The following RASGRF2 variants were observed in gnomAD, a reference collection of about 807,000 sequenced individuals.
The protein encoded by RASGRF2 is Ras protein specific guanine nucleotide releasing factor 2, also known as ras-specific guanine nucleotide-releasing factor 2.
A neutral mutation model predicts 151.0 loss-of-function variants in RASGRF2; 76 were observed. That is an observed-to-expected ratio of 0.50 (90% CI 0.42 to 0.61). The LOEUF (loss-of-function observed/expected upper bound fraction) is 0.61. RASGRF2 is among the 20% of genes least tolerant of loss of function. RASGRF2 has a pLI of 0.00. For missense variants in RASGRF2, 1,148 were observed against 1,564.6 expected (o/e 0.73, Z 4.49); for synonymous variants, 504 against 566.5 (o/e 0.89, Z 1.57).
At chr5:81,015,657 C>T (rs139650041) in intron 1 of RASGRF2, among the ~76,000 whole-genome samples, 4,245 of 148,282 alleles carry the variant, frequency 0.029, 84 homozygotes, top group Middle Eastern at 0.1. Flanking sequence ...ATATTAAATA[C>T]ATTAATTAGT....
At chr5:81,170,631 C>T (rs1754638558) in intron 17 of RASGRF2, among the ~76,000 whole-genome samples, 1 of 152,176 alleles carries the variant, frequency 6.6e-6, no homozygotes, top group Non-Finnish European at 1.5e-5. Flanking sequence ...ATTCATGTCC[C>T]AACTCCTGTG....
At chr5:81,106,660 A>T (rs1291647803) in intron 12 of RASGRF2, among the ~76,000 whole-genome samples, 1 of 152,070 alleles carries the variant, frequency 6.6e-6, no homozygotes, top group Admixed American at 6.5e-5. Flanking sequence ...GTGTATTTTC[A>T]TCAGGTCCTG....
At chr5:81,132,832 A>G (rs1005605732) in intron 17 of RASGRF2, among the ~76,000 whole-genome samples, 7 of 152,228 alleles carry the variant, frequency 4.6e-5, no homozygotes, top group Non-Finnish European at 8.8e-5. Flanking sequence ...ATGTTTATAC[A>G]ATTTGGGGAA....
chr5:81,100,008 C>T (rs1332406069), intron 12 of RASGRF2, among the ~76,000 whole-genome samples: 1 of 150,466 alleles, frequency 6.6e-6, no homozygotes, highest in Non-Finnish European at 1.5e-5. Context: ...CCCGGGTTCA[C>T]GCCATTCTCC....
At chr5:81,167,050 G>C (rs1754528451) in intron 17 of RASGRF2, among the ~76,000 whole-genome samples, 2 of 152,182 alleles carry the variant, frequency 1.3e-5, no homozygotes, top group African/African-American at 4.8e-5. Flanking sequence ...TTCCCCGAGT[G>C]AAGAGACGGG....
chr5:81,115,385 A>G (rs374794082), intron 15 of RASGRF2, among the ~76,000 whole-genome samples: 100 of 152,338 alleles, frequency 6.6e-4, no homozygotes, highest in Non-Finnish European at 1.0e-3. Flanking sequence ...GATTCTTATC[A>G]GGAATAATGA....
intron 2 of RASGRF2, among the ~76,000 whole-genome samples, chr5:81,049,621 C>A (rs1750945391): frequency 6.6e-6 from 1 of 152,156 alleles, no homozygotes; most frequent in African/African-American, 2.4e-5. Flanking sequence ...GGATCCATTC[C>A]CCAGACTTAG....
At position 81,120,427 on chromosome 5, in the gene RASGRF2, A is replaced by T. The variant is rs529007674; in HGVS notation, c.2471-3215A>T. On this transcript the variant is annotated intron_variant, in intron 15 of 26. Coordinates refer to ENST00000265080, the MANE Select transcript of RASGRF2 (RefSeq NM_006909.3). ...CCTTGTCTCTACTAAAAATAAAAAT[A>T]AAAAAAATAGCCAGATGTGGCTGTG... is the stretch of plus-strand genomic sequence containing the variant. Among the ~76,000 whole-genome samples, 60 of 151,806 alleles carry T rather than the reference A, an allele frequency of 4.0e-4. No individual in the cohort carries two copies. The South Asian group carries it at 9.2e-3, about 23-fold the overall frequency.
At chr5:80,984,674 C>T (rs1034376229) in intron 1 of RASGRF2, among the ~76,000 whole-genome samples, 20 of 152,058 alleles carry the variant, frequency 1.3e-4, no homozygotes, top group Non-Finnish European at 2.6e-4. Flanking sequence ...AGGATTATGA[C>T]CTAAGGAAAC....
At chr5:81,201,699 A>G (rs1755399479) in intron 19 of RASGRF2, among the ~76,000 whole-genome samples, 1 of 152,118 alleles carries the variant, frequency 6.6e-6, no homozygotes, top group Non-Finnish European at 1.5e-5. Context: ...TTTACTATAG[A>G]ACCAACAGTT....
chr5:81,155,804 G>T lies in RASGRF2; in HGVS notation c.2687-24371G>T, dbSNP rs145977607. On this transcript the variant is annotated intron_variant, in intron 17 of 26. Transcript: ENST00000265080. ...GAGAGACAGGAGATGTTCTGGCCAG[G>T]TATGTCTATAATGAGGGAGTCGGGT... Among the ~76,000 whole-genome samples the T allele has an allele frequency of 2.3e-3, 355 of 152,318 alleles. 1 individual carries two copies. The highest frequency in any genetic ancestry group is 0.014 in the South Asian group (67 of 4,828).
intron 1 of RASGRF2, among the ~76,000 whole-genome samples, chr5:80,992,369 C>G (rs1020813760): frequency 3.3e-5 from 5 of 152,132 alleles, no homozygotes; most frequent in Non-Finnish European, 7.3e-5. Context: ...CTTCACATCC[C>G]CATGCCTGTA....
At chr5:81,011,553 C>T (rs1428366469) in intron 1 of RASGRF2, among the ~76,000 whole-genome samples, 1 of 151,976 alleles carries the variant, frequency 6.6e-6, no homozygotes, top group South Asian at 2.1e-4. Context: ...ACTAGCCTGA[C>T]TAACATGGAG....
Position 81,124,983 on chromosome 5 carries a change from G to A in RASGRF2, c.2596+1216G>A, listed in dbSNP as rs527370123. Among the ~76,000 whole-genome samples the A allele has an allele frequency of 2.6e-5, 4 of 152,176 alleles. No homozygotes were observed. The East Asian group carries it at 7.8e-4, about 30-fold the overall frequency. On this transcript the variant is annotated intron_variant, in intron 16 of 26. Coordinates refer to ENST00000265080, the MANE Select transcript of RASGRF2 (RefSeq NM_006909.3). The stretch of plus-strand genomic sequence containing the variant: ...GCTCAGTGCAACCTCCACCTCCCAG[G>A]TTCAAGTGATTCTCCTGCCTCAGCC...
intron 18 of RASGRF2, among the ~76,000 whole-genome samples, chr5:81,189,708 A>T (rs1755112705): frequency 8.4e-6 from 1 of 119,612 alleles, no homozygotes; most frequent in East Asian, 2.2e-4. Flanking sequence ...GATGGCCTAT[A>T]TACTTTTTTT....
intron 1 of RASGRF2, among the ~76,000 whole-genome samples, chr5:80,965,764 T>G (rs1277055543): frequency 1.3e-5 from 2 of 152,182 alleles, no homozygotes; most frequent in African/African-American, 4.8e-5. Flanking sequence ...GATAACCAAA[T>G]GTTTCTGGTT....
intron 21 of RASGRF2, 90 bp from the exon 22 acceptor site, chr5:81,208,264 T>C (rs1266609347): frequency 8.8e-7 from 1 of 1,130,208 alleles, no homozygotes; most frequent in African/African-American, 1.6e-5. Flanking sequence ...TCAAATGGAA[T>C]TTTTCTAATA....
intron 1 of RASGRF2, among the ~76,000 whole-genome samples, chr5:81,016,707 A>ATT (rs759140515): frequency 6.6e-6 from 1 of 152,206 alleles, no homozygotes; most frequent in Non-Finnish European, 1.5e-5. Context: ...GGAAGAATAT[A>ATT]TTTTAAGACA....
At chr5:80,987,578 G>C (rs981229976) in intron 1 of RASGRF2, among the ~76,000 whole-genome samples, 26 of 152,192 alleles carry the variant, frequency 1.7e-4, no homozygotes, top group African/African-American at 6.3e-4. Context: ...CATGATGCAT[G>C]CTTGTGGGAG....
Sources: gnomAD v4.1 joint callset for allele counts (sites outside exome capture counted in the v4.1 genomes callset) on GRCh38, gnomAD v4.1.1 for gene constraint, MANE v1.5 for transcripts, NCBI Gene and HGNC (gene_info 2026-07-23, HGNC 2026-07-21) for gene names.